The following TTC23 variants were observed in gnomAD, a reference collection of about 807,000 sequenced individuals.
TTC23 encodes the protein tetratricopeptide repeat protein 23.
A neutral mutation model predicts 55.1 loss-of-function variants in TTC23; 58 were observed. The observed-to-expected ratio is 1.05, with a 90% CI of 0.85 to 1.31. The LOEUF (loss-of-function observed/expected upper bound fraction) is 1.31, where lower values mean the gene tolerates loss of function less well. Among genes scored for constraint, TTC23 ranks in the 50% most tolerant of loss-of-function variants. The probability of loss-of-function intolerance (pLI) is 0.00; values close to 1 mark genes in which losing one functional copy is unlikely to be tolerated. For synonymous variants in TTC23, 203 were observed against 199.9 expected, an observed-to-expected ratio of 1.02 and a Z score of -0.13; for missense variants, 516 against 534.4, an observed-to-expected ratio of 0.97 and a Z score of 0.34.
chr15:99,166,949 A>G (rs924938417), intron 10 of TTC23, among the ~76,000 whole-genome samples: 2 of 152,176 alleles, frequency 1.3e-5, no homozygotes, highest in African/African-American at 4.8e-5. Context: ...AACCACTTTT[A>G]TCTTTATCTA....
At chr15:99,231,523 G>A (rs571100462) in intron 4 of TTC23, among the ~76,000 whole-genome samples, 4 of 152,244 alleles carry the variant, frequency 2.6e-5, no homozygotes, top group East Asian at 3.9e-4. Context: ...ACGAAGTCTC[G>A]CTCTGTTGCC....
intron 12 of TTC23, among the ~76,000 whole-genome samples, chr15:99,147,126 T>C (rs549038719): frequency 3.3e-5 from 5 of 149,448 alleles, no homozygotes; most frequent in African/African-American, 5.0e-5. Flanking sequence ...TGTTGGCCAG[T>C]CTAGTCCTGA....
intron 9 of TTC23, among the ~76,000 whole-genome samples, chr15:99,191,387 T>A (rs1375491848): frequency 6.6e-6 from 1 of 152,202 alleles, no homozygotes; most frequent in Non-Finnish European, 1.5e-5. Context: ...TTGGAGGCCA[T>A]CTTTCAGTTC....
chr15:99,209,837 C>G (rs1305098994), intron 8 of TTC23, among the ~76,000 whole-genome samples: 1 of 152,198 alleles, frequency 6.6e-6, no homozygotes, highest in African/African-American at 2.4e-5. Context: ...CGGTCTCAAG[C>G]AGTCCTCCTA....
At chr15:99,160,921 G>C (rs1460369075) in intron 11 of TTC23, 1 of 148,334 alleles carries the variant, frequency 6.7e-6, no homozygotes, top group African/African-American at 2.5e-5. Context: ...GGCTGAGGCA[G>C]AAAATTGCTT....
chr15:99,163,086 AAAACAAAC>A (rs139212554), intron 10 of TTC23, among the ~76,000 whole-genome samples: 5 of 150,160 alleles, frequency 3.3e-5, no homozygotes, highest in Non-Finnish European at 4.4e-5. Flanking sequence ...CCTGTCTCAA[AAAACAAAC>A]AAACAAACAA....
chr15:99,218,387 CAG>C (rs2077638629), intron 8 of TTC23, among the ~76,000 whole-genome samples, 199 bp downstream of exon 8: 1 of 152,154 alleles, frequency 6.6e-6, no homozygotes, highest in African/African-American at 2.4e-5. Context: ...GGGCACTCCA[CAG>C]AGAGTGAAAA....
chr15:99,225,109 C>G (rs959726068), intron 5 of TTC23, among the ~76,000 whole-genome samples: 1 of 152,144 alleles, frequency 6.6e-6, no homozygotes, highest in Non-Finnish European at 1.5e-5. Flanking sequence ...AGATTTCCAG[C>G]GAAGAGGACG....
At chr15:99,153,765 T>C (rs2070165297) in intron 12 of TTC23, among the ~76,000 whole-genome samples, 1 of 151,162 alleles carries the variant, frequency 6.6e-6, no homozygotes, top group South Asian at 2.1e-4. Context: ...AAAGATAAAA[T>C]CAGAAATTAA....
intron 6 of TTC23, among the ~76,000 whole-genome samples, chr15:99,219,589 CATCTTCCT>C (rs2077743866): frequency 6.6e-6 from 1 of 152,088 alleles, no homozygotes; most frequent in Non-Finnish European, 1.5e-5. Context: ...GTGACAATTT[CATCTTCCT>C]ATGTGGTAAG....
At chr15:99,238,993 A>G (rs2079546765) in intron 3 of TTC23, among the ~76,000 whole-genome samples, 1 of 152,214 alleles carries the variant, frequency 6.6e-6, no homozygotes, top group Admixed American at 6.5e-5. Context: ...GGAAAGTAAA[A>G]TGCTGGATTT....
intron 10 of TTC23, among the ~76,000 whole-genome samples, chr15:99,164,876 A>T (rs2071849225): frequency 6.6e-6 from 1 of 152,210 alleles, no homozygotes; most frequent in African/African-American, 2.4e-5. Flanking sequence ...TGGAGGCAGC[A>T]GGGTGAATGG....
chr15:99,226,539 T>C (rs1055689605), intron 5 of TTC23, among the ~76,000 whole-genome samples: 1 of 152,242 alleles, frequency 6.6e-6, no homozygotes, highest in African/African-American at 2.4e-5. Flanking sequence ...AATACCATGC[T>C]GAAAATATTT....
intron 10 of TTC23, among the ~76,000 whole-genome samples, chr15:99,174,490 T>C (rs948158122): frequency 9.9e-5 from 15 of 151,578 alleles, no homozygotes; most frequent in South Asian, 2.1e-4. Context: ...ATTAGTACTA[T>C]GTGTTTTCTG....
chr15:99,137,990 G>A lies in TTC23; in HGVS notation c.*20C>T. 1.2e-6 allele frequency: 2 copies of A among 1,614,052 alleles called. No homozygotes were observed. Among genetic ancestry groups the A allele is most frequent in the Non-Finnish European group, 1.7e-6 (2 of 1,179,978 alleles). On this transcript the variant is annotated 3_prime_UTR_variant, in exon 14 of 14. Coordinates refer to ENST00000394132, the MANE Select transcript of TTC23 (RefSeq NM_001288615.3). ...ATGACAGTGCCCAGGAATGTCCTAG[G>A]CTTTTTCAGGGTGGGGGCCTCAGTC...
chr15:99,145,866 G>A (rs1301167376), intron 12 of TTC23, among the ~76,000 whole-genome samples: 1 of 152,146 alleles, frequency 6.6e-6, no homozygotes, highest in African/African-American at 2.4e-5. Context: ...AGGGAAATGG[G>A]AGATGAAGGA....
At chr15:99,217,116 A>G (rs1007392395) in intron 8 of TTC23, among the ~76,000 whole-genome samples, 2 of 152,120 alleles carry the variant, frequency 1.3e-5, no homozygotes, top group Non-Finnish European at 2.9e-5. Context: ...TAAGAAGCAG[A>G]ATGATACATA....
chr15:99,165,891 GA>G (rs1418108184), intron 10 of TTC23, among the ~76,000 whole-genome samples: 1 of 152,212 alleles, frequency 6.6e-6, no homozygotes, highest in Non-Finnish European at 1.5e-5. Context: ...TAAAATGAAT[GA>G]AGATAGTCAG....
chr15:99,235,800 G>A (rs2152083906), intron 3 of TTC23, among the ~76,000 whole-genome samples: 1 of 152,290 alleles, frequency 6.6e-6, no homozygotes, highest in South Asian at 2.1e-4. Context: ...TCATTAAACA[G>A]TAACTTCCCA....
Sources: gnomAD v4.1 joint callset for allele counts (sites outside exome capture counted in the v4.1 genomes callset) on GRCh38, gnomAD v4.1.1 for gene constraint, MANE v1.5 for transcripts, NCBI Gene and HGNC (gene_info 2026-07-23, HGNC 2026-07-21) for gene names.